The following KDM4C variants were observed in gnomAD, a reference collection of about 807,000 sequenced individuals.
KDM4C encodes lysine demethylase 4C.
KDM4C carries 81 observed loss-of-function variants against 129.3 expected under a neutral mutation model. The observed-to-expected ratio is 0.63, with a 90% CI of 0.52 to 0.75. KDM4C has a LOEUF of 0.75. Ranked by LOEUF, KDM4C falls within the 30% of genes least tolerant of loss-of-function variation. KDM4C has a pLI of 0.00. For synonymous variants in KDM4C, 573 were observed against 456.1 expected (o/e 1.26, Z -3.26); for missense variants, 1,457 against 1,304.0 (o/e 1.12, Z -1.81).
intron 21 of KDM4C, among the ~76,000 whole-genome samples, chr9:7,173,944 C>T (rs959326307): frequency 1.3e-5 from 2 of 152,160 alleles, no homozygotes; most frequent in Admixed American, 6.5e-5. Context: ...GGAGAAGGCC[C>T]AGTGCCAAAC....
chr9:7,105,469 C>G (rs1325743295), intron 18 of KDM4C: 3 of 469,030 alleles, frequency 6.4e-6, no homozygotes, highest in Non-Finnish European at 4.4e-6. Flanking sequence ...GCTGCTGCTG[C>G]TGGTGCTACA....
At chr9:7,159,185 T>C (rs532430919) in intron 19 of KDM4C, among the ~76,000 whole-genome samples, 2 of 152,334 alleles carry the variant, frequency 1.3e-5, no homozygotes, top group East Asian at 3.9e-4. Flanking sequence ...ATTTGCTTGG[T>C]AGATCTTCCT....
chr9:6,924,459 G>A (rs1343871882), intron 8 of KDM4C, among the ~76,000 whole-genome samples: 1 of 152,142 alleles, frequency 6.6e-6, no homozygotes, highest in Admixed American at 6.5e-5. Context: ...GCGCTCTGTT[G>A]GACTTGCCTC....
At chr9:6,844,320 A>G (rs1837477494) in intron 4 of KDM4C, among the ~76,000 whole-genome samples, 1 of 152,144 alleles carries the variant, frequency 6.6e-6, no homozygotes, top group Non-Finnish European at 1.5e-5. Flanking sequence ...AAATATGTGT[A>G]TTTTGACAAT....
chr9:6,749,792 G>C (rs1049404144), intron 1 of KDM4C, among the ~76,000 whole-genome samples: 3 of 151,530 alleles, frequency 2.0e-5, no homozygotes, highest in African/African-American at 7.3e-5. Context: ...TTCGAGGCCA[G>C]CCTGACCAAC....
intron 8 of KDM4C, among the ~76,000 whole-genome samples, chr9:6,947,516 C>T (rs12343183): frequency 0.046 from 7,016 of 151,842 alleles, 287 homozygotes; most frequent in African/African-American, 0.11. Context: ...CTCAGAAAGG[C>T]TTTGTATATT....
At chr9:7,025,352 G>A (rs988086287) in intron 15 of KDM4C, among the ~76,000 whole-genome samples, 3 of 151,886 alleles carry the variant, frequency 2.0e-5, no homozygotes, top group Non-Finnish European at 2.9e-5. Context: ...AGTTTAGTGC[G>A]TTTCCATTGT....
chr9:6,841,133 G>A (rs1053817790), intron 4 of KDM4C, among the ~76,000 whole-genome samples: 2 of 152,162 alleles, frequency 1.3e-5, no homozygotes, highest in African/African-American at 4.8e-5. Context: ...AATCTAGGTG[G>A]CAGATCTTTT....
intron 12 of KDM4C, among the ~76,000 whole-genome samples, chr9:7,011,207 A>G (rs1157301432): frequency 2.0e-5 from 3 of 152,180 alleles, no homozygotes; most frequent in African/African-American, 7.2e-5. Context: ...ATTGTAATAA[A>G]TTCTTGAACC....
At chr9:6,839,022 C>T (rs1480977165) in intron 4 of KDM4C, among the ~76,000 whole-genome samples, 2 of 152,124 alleles carry the variant, frequency 1.3e-5, no homozygotes, top group Non-Finnish European at 2.9e-5. Flanking sequence ...TATTTTTTCT[C>T]CATGCGTGTT....
At chr9:7,005,389 C>T (rs1384719035) in intron 12 of KDM4C, among the ~76,000 whole-genome samples, 3 of 138,280 alleles carry the variant, frequency 2.2e-5, no homozygotes. Flanking sequence ...GAGTCGAGAT[C>T]AAGCCGTTGC....
intron 8 of KDM4C, among the ~76,000 whole-genome samples, chr9:6,937,951 A>G (rs961312549): frequency 1.3e-5 from 2 of 152,148 alleles, no homozygotes; most frequent in Non-Finnish European, 2.9e-5. Context: ...ACCTCAGGTG[A>G]TCTGCCCTCC....
At chr9:6,977,473 A>C (rs909867065) in intron 8 of KDM4C, among the ~76,000 whole-genome samples, 2 of 152,190 alleles carry the variant, frequency 1.3e-5, no homozygotes, top group African/African-American at 4.8e-5. Context: ...AAAACCACAT[A>C]CATGTTGCCA....
At chr9:6,741,411 A>C (rs1267312294) in intron 1 of KDM4C, among the ~76,000 whole-genome samples, 1 of 151,918 alleles carries the variant, frequency 6.6e-6, no homozygotes, top group African/African-American at 2.4e-5. Context: ...CAAAAAACAA[A>C]AACAAAAACT....
At chr9:7,013,464 C>T (rs1036411386) in intron 13 of KDM4C, among the ~76,000 whole-genome samples, 2 of 152,150 alleles carry the variant, frequency 1.3e-5, no homozygotes, top group South Asian at 4.1e-4. Flanking sequence ...GAAAACAGAT[C>T]TGTTAACTCT....
At chr9:7,015,337 A>G (rs945996450) in intron 14 of KDM4C, among the ~76,000 whole-genome samples, 2 of 152,186 alleles carry the variant, frequency 1.3e-5, no homozygotes, top group African/African-American at 2.4e-5. Context: ...TATTTGCATC[A>G]TCAGCCATCA....
intron 5 of KDM4C, among the ~76,000 whole-genome samples, chr9:6,866,706 G>A: frequency 6.6e-6 from 1 of 152,076 alleles, no homozygotes; most frequent in East Asian, 1.9e-4. Context: ...CTATTCTAGT[G>A]TAGAAACCGT....
At chr9:7,002,655 G>A (rs541370575) in intron 12 of KDM4C, among the ~76,000 whole-genome samples, 1 of 152,192 alleles carries the variant, frequency 6.6e-6, no homozygotes, top group South Asian at 2.1e-4. Flanking sequence ...ACCATGATGT[G>A]AGAATTGACT....
chr9:7,160,971 T>G (rs754971365), intron 19 of KDM4C, among the ~76,000 whole-genome samples: 4 of 100,830 alleles, frequency 4.0e-5, no homozygotes, highest in Non-Finnish European at 8.9e-5. Context: ...CTTGTTGAGC[T>G]GCGGTGGGCT....
Sources: allele counts gnomAD v4.1 joint callset (sites outside exome capture counted in the v4.1 genomes callset), GRCh38; gene constraint gnomAD v4.1.1; transcripts MANE v1.5; gene names NCBI Gene and HGNC (gene_info 2026-07-23, HGNC 2026-07-21).